The following CMAS variants were observed in gnomAD, a reference collection of about 807,000 sequenced individuals.
The protein encoded by CMAS is N-acylneuraminate cytidylyltransferase.
A neutral mutation model predicts 53.4 loss-of-function variants in CMAS; 21 were observed. The ratio of observed to expected loss-of-function variants is 0.39; its 90% CI spans 0.28 to 0.57. The LOEUF is 0.57. Ranked by LOEUF, CMAS falls within the 20% of genes least tolerant of loss-of-function variation. The probability of loss-of-function intolerance (pLI) is 0.56; values close to 1 mark genes in which losing one functional copy is unlikely to be tolerated. For missense variants in CMAS, 384 were observed against 534.9 expected, an observed-to-expected ratio of 0.72 and a Z score of 2.78; for synonymous variants, 189 against 195.2, an observed-to-expected ratio of 0.97 and a Z score of 0.27.
intron 7 of CMAS, among the ~76,000 whole-genome samples, chr12:22,062,916 A>AAGTT (rs1950318259): frequency 1.3e-5 from 2 of 152,340 alleles, no homozygotes; most frequent in African/African-American, 4.8e-5. Flanking sequence ...GCCAATAGTG[A>AAGTT]AGTTAAAAGA....
chr12:22,054,577 C>T (rs59163540), intron 1 of CMAS, among the ~76,000 whole-genome samples: 2,312 of 150,018 alleles, frequency 0.015, 59 homozygotes, highest in African/African-American at 0.053. Flanking sequence ...ATCTTCTAAG[C>T]TTGAAACTGT....
At chr12:22,052,148 A>G (rs1950241811) in intron 1 of CMAS, among the ~76,000 whole-genome samples, 1 of 152,232 alleles carries the variant, frequency 6.6e-6, no homozygotes, top group Non-Finnish European at 1.5e-5. Context: ...TGTAAAAAGT[A>G]AAGCACTGAA....
At position 22,060,774 on chromosome 12, in the gene CMAS, T is replaced by C. The variant is rs1950304147; in HGVS notation, c.694-58T>C. 6.2e-6 allele frequency: 6 copies of C among 960,482 alleles called. No homozygotes were observed. In the Admixed American group the frequency reaches 1.0e-4, roughly 16 times the overall value. 59.5% of individuals were successfully genotyped at this position (960,482 alleles called of 1,614,324 possible). ...TCATTGTTCTGTATTATAATAAAGT[T>C]TTGATATATGTGAATGAATATTAAA... On this transcript the variant is annotated intron_variant, in intron 4 of 7. Coordinates refer to ENST00000229329, the MANE Select transcript of CMAS (RefSeq NM_018686.6).
Position 22,055,248 on chromosome 12 carries a change from T to C in CMAS, c.360T>C (p.Ser120=), listed in dbSNP as rs369640237. 9.9e-6 allele frequency: 16 copies of C among 1,610,060 alleles called. No homozygotes were observed. The highest frequency in any genetic ancestry group is 1.3e-5 in the Non-Finnish European group (15 of 1,176,834). ...GTTCTGAAGTTTCAAAAGACAGCTC[T>C]ACCTCACTAGATGCCATCATAGAAT... ...RRSSEVSKDS[S]TSLDAIIEFL... is the part of the protein sequence containing the mutation. Residue 120 remains serine, a synonymous_variant, in exon 2 of 8, where the codon TCT becomes TCC. Coordinates refer to ENST00000229329, the MANE Select transcript of CMAS (RefSeq NM_018686.6).
At chr12:22,048,696 C>T (rs1427741028) in intron 1 of CMAS, among the ~76,000 whole-genome samples, 1 of 152,202 alleles carries the variant, frequency 6.6e-6, no homozygotes, top group Non-Finnish European at 1.5e-5. Flanking sequence ...AGCCCCAGAA[C>T]CCTGTCTCAG....
chr12:22,065,066 C>A, intron 7 of CMAS, 55 bp from the exon 8 acceptor site: 1 of 1,440,088 alleles, frequency 6.9e-7, no homozygotes, highest in Non-Finnish European at 9.5e-7. Context: ...CATTATTTAG[C>A]TAGAATATTC....
intron 1 of CMAS, among the ~76,000 whole-genome samples, chr12:22,051,605 C>T (rs1038729081): frequency 1.3e-5 from 2 of 152,188 alleles, no homozygotes; most frequent in Admixed American, 6.5e-5. Context: ...ATAGCCCCAT[C>T]TTATGTCCCT....
intron 7 of CMAS, among the ~76,000 whole-genome samples, chr12:22,064,853 A>G (rs1950335187): frequency 6.6e-6 from 1 of 152,228 alleles, no homozygotes; most frequent in Non-Finnish European, 1.5e-5. Context: ...AATTTCTAAC[A>G]TTTGTAATAT....
rs540546812 is a variant in CMAS, at chr12:22,061,194, G to T, written c.789-87G>T. On this transcript the variant is annotated intron_variant, in intron 5 of 7. Transcript: ENST00000229329. ...TAATGTTTGAATAATTGAATGGAGG[G>T]TGACATTTCATGTATTGGTTTAGCC... 6 of 896,510 alleles carry T rather than the reference G, an allele frequency of 6.7e-6. No homozygotes were observed. The South Asian group carries it at 7.2e-5, about 11-fold the overall frequency. 55.5% of individuals were successfully genotyped at this position (896,510 alleles called of 1,614,324 possible).
At chr12:22,056,253 A>T (rs535440076) in intron 3 of CMAS, among the ~76,000 whole-genome samples, 3 of 152,302 alleles carry the variant, frequency 2.0e-5, no homozygotes, top group African/African-American at 7.2e-5. Flanking sequence ...TAGCTATTTG[A>T]AAGTCCTTGA....
chr12:22,059,150 T>TATATATA (rs371663502), intron 4 of CMAS, among the ~76,000 whole-genome samples: 2 of 112,566 alleles, frequency 1.8e-5, no homozygotes, highest in African/African-American at 4.2e-5. Context: ...ATATATATAT[T>TATATATA]TTTTTTTTTT....
At chr12:22,060,312 CT>C (rs1950299727) in intron 4 of CMAS, among the ~76,000 whole-genome samples, 1 of 90,546 alleles carries the variant, frequency 1.1e-5, no homozygotes, top group African/African-American at 4.1e-5. Flanking sequence ...AAGGTTATTT[CT>C]TTTGTGTGAG....
chr12:22,063,477 T>A (rs1950322211), intron 7 of CMAS, among the ~76,000 whole-genome samples: 1 of 152,104 alleles, frequency 6.6e-6, no homozygotes, highest in African/African-American at 2.4e-5. Flanking sequence ...AGTTTTCTAC[T>A]TAGAATATAA....
At chr12:22,060,635 C>T (rs1950303080) in intron 4 of CMAS, 197 bp from the exon 5 acceptor site, 3 of 432,748 alleles carry the variant, frequency 6.9e-6, no homozygotes, top group Non-Finnish European at 4.2e-6. Flanking sequence ...GCCTGGGAGG[C>T]AGAGTGAAAC....
In CMAS at chr12:22,065,356, C is replaced by G. The variant is rs766635784; in HGVS notation, c.*45C>G. On this transcript the variant is annotated 3_prime_UTR_variant, in exon 8 of 8. Coordinates refer to ENST00000229329, the MANE Select transcript of CMAS (RefSeq NM_018686.6). ...AAAAAAATGATACAGCCTTCTTCAG[C>G]CAGTTTGCTTTTATTTTTGATTAAG... 43 of 1,479,092 alleles carry G rather than the reference C, an allele frequency of 2.9e-5. No individual in the cohort carries two copies. The highest frequency in any genetic ancestry group is 3.9e-5 in the Non-Finnish European group (42 of 1,072,934). The allele number at this position is 1,479,092 out of a possible 1,614,324, so 91.6% of individuals were successfully genotyped here. A position where few individuals can be genotyped will look rare whatever the true frequency, so the allele number is the denominator to read the frequency against.
intron 7 of CMAS, among the ~76,000 whole-genome samples, chr12:22,064,597 AT>A (rs1215939360): frequency 5.3e-5 from 8 of 152,022 alleles, no homozygotes; most frequent in African/African-American, 1.7e-4. Context: ...GTTTAATGAT[AT>A]TCTGTCAGAT....
Position 22,046,256 on chromosome 12 carries a change from G to T in CMAS, c.-48G>T. 7.1e-7 allele frequency: 1 copy of T among 1,406,398 alleles called. No homozygotes were observed. Among genetic ancestry groups the T allele is most frequent in the Non-Finnish European group, 9.3e-7 (1 of 1,077,440 alleles). The allele number at this position is 1,406,398 out of a possible 1,614,324, so 87.1% of individuals were successfully genotyped here. ...GCGGCGCCGAGCTGAGGTGGTGAGG[G>T]ACTAGCTCCCGGATGTGGAGAAGCT... On this transcript the variant is annotated 5_prime_UTR_variant, in exon 1 of 8. Transcript: ENST00000229329.
At chr12:22,062,070 T>C (rs938743783) in intron 6 of CMAS, among the ~76,000 whole-genome samples, 6 of 152,166 alleles carry the variant, frequency 3.9e-5, no homozygotes, top group African/African-American at 9.7e-5. Context: ...CTCACCTTTA[T>C]TGGGCTATGA....
chr12:22,062,122 T>G (rs1355160552), intron 6 of CMAS, among the ~76,000 whole-genome samples, 159 bp from the exon 7 acceptor site: 1 of 152,212 alleles, frequency 6.6e-6, no homozygotes, highest in Non-Finnish European at 1.5e-5. Context: ...TGATTTTAAT[T>G]CGACAGTCAG....
Sources: allele counts gnomAD v4.1 joint callset (sites outside exome capture counted in the v4.1 genomes callset), GRCh38; gene constraint gnomAD v4.1.1; transcripts MANE v1.5; gene names NCBI Gene and HGNC (gene_info 2026-07-23, HGNC 2026-07-21).